Variants in HTR3A observed in about 807,000 individuals in gnomAD.
The protein encoded by HTR3A is 5-hydroxytryptamine receptor 3A.
Under a neutral mutation model 54.8 loss-of-function variants are expected in HTR3A, and 45 were observed. That is an observed-to-expected ratio of 0.82 (90% confidence interval 0.65 to 1.05). HTR3A has a LOEUF of 1.05. Ranked by LOEUF, HTR3A falls within the 50% of genes least tolerant of loss-of-function variation. HTR3A has a pLI of 0.00. For synonymous variants in HTR3A, 297 were observed against 256.0 expected (o/e 1.16, Z -1.53); for missense variants, 657 against 614.0 (o/e 1.07, Z -0.74).
chr11:113,987,784 A>G (rs1273906324), intron 8 of HTR3A, among the ~76,000 whole-genome samples: 1 of 152,226 alleles, frequency 6.6e-6, no homozygotes, highest in Non-Finnish European at 1.5e-5. Context: ...TGTTCCTTAG[A>G]ATTTCAAACA....
intron 8 of HTR3A, 123 bp downstream of exon 8, chr11:113,987,169 GCCTTACT>G: frequency 9.7e-7 from 1 of 1,029,532 alleles, no homozygotes; most frequent in Non-Finnish European, 1.5e-6. Context: ...CCCATGCCCT[GCCTTACT>G]TGGGGTGGGG....
chr11:113,986,591 A>G lies in HTR3A; in HGVS notation c.779A>G (p.Asp260Gly), dbSNP rs1192851311. The G allele has an allele frequency of 1.2e-6, 2 of 1,613,536 alleles. No homozygotes were observed. Among genetic ancestry groups the G allele is most frequent in the South Asian group, 1.1e-5 (1 of 91,080 alleles). ...LLPSIFLMVMDIVGFYLPPNS... is the reference protein window; with the variant it reads ...LLPSIFLMVMGIVGFYLPPNS... Reference sequence around the variant, plus strand: ...CCCAGCATCTTCCTCATGGTCATGGACATCGTGGGCTTCTACCTGCCCCCC... The same window carrying G: ...CCCAGCATCTTCCTCATGGTCATGGGCATCGTGGGCTTCTACCTGCCCCCC... Residue 260 changes from aspartate to glycine, a missense_variant, in exon 7 of 9, where the codon GAC (aspartate) becomes GGC (glycine). Physicochemically the swap from Asp to Gly is moderately conservative, Grantham distance 94. Transcript: ENST00000504030.
At chr11:113,978,808 T>C (rs1315055980) in intron 2 of HTR3A, among the ~76,000 whole-genome samples, 6 of 151,978 alleles carry the variant, frequency 3.9e-5, no homozygotes, top group African/African-American at 1.2e-4. Flanking sequence ...CTGGACAACA[T>C]AGCGACTGCA....
At position 113,977,824 on chromosome 11, in the gene HTR3A, C is replaced by A. The variant is rs752532960; in HGVS notation, c.121C>A (p.Leu41Ile). 1.2e-6 allele frequency: 2 copies of A among 1,614,150 alleles called. No homozygotes were observed. Among genetic ancestry groups the A allele is most frequent in the Middle Eastern group, 1.6e-4 (1 of 6,062 alleles). The change falls in exon 2 of 9, where the codon CTT (leucine) becomes ATT (isoleucine). Residue 41 changes from leucine to isoleucine, a missense_variant. By Grantham distance (5) the Leu-to-Ile change is conservative (BLOSUM62 2). Transcript: ENST00000504030. ...CGCTCTGCTGAGGCTGTCGGATTAC[C>A]TTTTGACCAACTACAGGAAGGGTGT... ...RPALLRLSDY[L>I]LTNYRKGVRP... is the part of the protein sequence containing the mutation.
chr11:113,975,173 A>G lies in HTR3A; in HGVS notation c.-153A>G, dbSNP rs1950337483. ...GGCAGCTCCCCAACCTTGGTGGCCC[A>G]GGGAGTGTGAGGCTGCAGCCTCAGA... On this transcript the variant is annotated 5_prime_UTR_variant, in exon 1 of 9. Transcript: ENST00000504030. 2 of 736,330 alleles carry G rather than the reference A, an allele frequency of 2.7e-6. No individual in the cohort carries two copies. The highest frequency in any genetic ancestry group is 1.7e-5 in the African/African-American group (1 of 57,906). 45.6% of individuals were successfully genotyped at this position (736,330 alleles called of 1,614,324 possible). A position where few individuals can be genotyped will look rare whatever the true frequency, so the allele number is the denominator to read the frequency against.
intron 3 of HTR3A, among the ~76,000 whole-genome samples, chr11:113,980,054 G>A (rs141609639): frequency 1.2e-4 from 19 of 152,294 alleles, no homozygotes; most frequent in Admixed American, 4.6e-4. Context: ...AGAGGAAGAA[G>A]CTAGAATGCT....
intron 1 of HTR3A, among the ~76,000 whole-genome samples, chr11:113,977,340 C>G (rs1950363007): frequency 6.6e-6 from 1 of 152,194 alleles, no homozygotes; most frequent in Non-Finnish European, 1.5e-5. Context: ...GACCCTTGGG[C>G]TTAGAAATTG....
In HTR3A at chr11:113,990,298, G is replaced by T. The variant is rs1417573798; in HGVS notation, c.*535G>T. On this transcript the variant is annotated 3_prime_UTR_variant, in exon 9 of 9. Transcript: ENST00000504030. ...ATGATGGGAGTGGGAAGAATAAAAT[G>T]CAGTGAAACCCTAAACTCTCTTCTT... is the stretch of plus-strand genomic sequence containing the variant. 1.9e-5 allele frequency: 8 copies of T among 415,502 alleles called. No homozygotes were observed. The highest frequency in any genetic ancestry group is 8.7e-5 in the South Asian group (5 of 57,674). 25.7% of individuals were successfully genotyped at this position (415,502 alleles called of 1,614,324 possible). A position where few individuals can be genotyped will look rare whatever the true frequency, so the allele number is the denominator to read the frequency against.
chr11:113,986,742 T>C lies in HTR3A; in HGVS notation c.916+14T>C, dbSNP rs1226294630. 1 of 1,614,220 alleles carries C rather than the reference T, an allele frequency of 6.2e-7. No homozygotes were observed. Among genetic ancestry groups the C allele is most frequent in the Admixed American group, 1.7e-5 (1 of 60,032 alleles). On this transcript the variant is annotated intron_variant, in intron 7 of 8. Coordinates refer to ENST00000504030, the MANE Select transcript of HTR3A (RefSeq NM_000869.6). ...CTCCTCTCATTGGTAAGGCCCCTCC[T>C]GGCAGCAGAGCTCAGTCTGGTGAGA...
Position 113,987,823 on chromosome 11 carries a change from G to T in HTR3A, c.1138+777G>T, listed in dbSNP as rs149073192. On this transcript the variant is annotated intron_variant, in intron 8 of 8. Coordinates refer to ENST00000504030, the MANE Select transcript of HTR3A (RefSeq NM_000869.6). Reference sequence around the variant, plus strand: ...ATGAGGCAGAGAGACATTAAATGTGGAGTTCATACTTCCTGAGGAATTGTT... The same window carrying T: ...ATGAGGCAGAGAGACATTAAATGTGTAGTTCATACTTCCTGAGGAATTGTT... Among the ~76,000 whole-genome samples, 288 of 152,304 alleles carry T rather than the reference G, an allele frequency of 1.9e-3. 2 individuals carry two copies. The highest frequency in any genetic ancestry group is 6.7e-3 in the African/African-American group (277 of 41,570).
At chr11:113,983,957 C>T (rs11214796) in intron 5 of HTR3A, among the ~76,000 whole-genome samples, 100,461 of 152,160 alleles carry the variant, frequency 0.66, 35,250 homozygotes, top group Middle Eastern at 0.81. Context: ...CTTGAGCTGA[C>T]TGCCACAGCC....
rs997963712 is a variant in HTR3A, at chr11:113,975,502, G to C, written c.67+110G>C. 9.2e-6 allele frequency: 8 copies of C among 873,402 alleles called. No individual in the cohort carries two copies. The African/African-American group carries it at 1.1e-4, about 13-fold the overall frequency. 54.1% of individuals were successfully genotyped at this position (873,402 alleles called of 1,614,324 possible). A position where few individuals can be genotyped will look rare whatever the true frequency, so the allele number is the denominator to read the frequency against. On this transcript the variant is annotated intron_variant, in intron 1 of 8. Transcript: ENST00000504030. ...GGAGAGGAGGGTGGGGAACAGTGCA[G>C]CTGCAGGAAGGTCAGCTATCTTACC...
Position 113,986,511 on chromosome 11 carries a change from G to A in HTR3A, c.706-7G>A, listed in dbSNP as rs1379339894. On this transcript the variant is annotated splice_region_variant and splice_polypyrimidine_tract_variant and intron_variant, in intron 6 of 8. Transcript: ENST00000504030. ...CAGGCTTCCCACAAGCTCTTCTCCG[G>A]TCCCAGGTGGTCATCCGCCGGCGGC... 6.2e-7 allele frequency: 1 copy of A among 1,611,818 alleles called. No homozygotes were observed. Among genetic ancestry groups the A allele is most frequent in the Non-Finnish European group, 8.5e-7 (1 of 1,180,010 alleles).
In HTR3A at chr11:113,989,398, T is replaced by C; in HGVS notation, c.1139-67T>C. 5 of 1,567,860 alleles carry C rather than the reference T, an allele frequency of 3.2e-6. No individual in the cohort carries two copies. The highest frequency in any genetic ancestry group is 3.5e-6 in the Non-Finnish European group (4 of 1,139,838). ...CAAAAATTTACAGGCTATAGAAGCA[T>C]AAGGAACCATGTTCAGGTCACCACC... On this transcript the variant is annotated intron_variant, in intron 8 of 8. Coordinates refer to ENST00000504030, the MANE Select transcript of HTR3A (RefSeq NM_000869.6). The surrounding 1 kb of genome is among the most constrained non-coding windows in gnomAD (Gnocchi z 4.4).
At chr11:113,987,186 G>A in intron 8 of HTR3A, 140 bp downstream of exon 8, 1 of 887,536 alleles carries the variant, frequency 1.1e-6, no homozygotes, top group Non-Finnish European at 1.8e-6. Flanking sequence ...TTGGGGTGGG[G>A]GCAGCCTTCA....
In HTR3A at chr11:113,975,363, T is replaced by TC; in HGVS notation, c.40dup (p.Leu14ProfsTer51). 1 of 1,613,080 alleles carries TC rather than the reference T, an allele frequency of 6.2e-7. No homozygotes were observed. Among genetic ancestry groups the TC allele is most frequent in the Non-Finnish European group, 8.5e-7 (1 of 1,179,980 alleles). On this transcript the variant is annotated frameshift_variant, in exon 1 of 9. Transcript: ENST00000504030. LOFTEE classifies it high-confidence loss of function. ...GTCCAGCAGGCGCTGCTCGCCTTGC[T>TC]CCTCCCCACACTCCTGGCACAGGGA...
At position 113,977,848 on chromosome 11, in the gene HTR3A, G is replaced by C. The variant is rs758893665; in HGVS notation, c.145G>C (p.Val49Leu). The change falls in exon 2 of 9, where the codon GTG becomes CTG. Residue 49 changes from valine to leucine, a missense_variant. By Grantham distance (32) the Val-to-Leu change is conservative. Transcript: ENST00000504030. ...CCTTTTGACCAACTACAGGAAGGGT[G>C]TGCGCCCCGTGAGGGACTGGAGGAA... is the stretch of plus-strand genomic sequence containing the variant. Reference protein sequence around the residue: ...DYLLTNYRKGVRPVRDWRKPT... With the variant: ...DYLLTNYRKGLRPVRDWRKPT... The C allele has an allele frequency of 1.5e-5, 24 of 1,614,052 alleles. No homozygotes were observed. Among genetic ancestry groups the C allele is most frequent in the Non-Finnish European group, 1.9e-5 (23 of 1,180,042 alleles).
At chr11:113,979,739 C>T (rs1950398307) in intron 3 of HTR3A, among the ~76,000 whole-genome samples, 1 of 152,120 alleles carries the variant, frequency 6.6e-6, no homozygotes, top group Non-Finnish European at 1.5e-5. Context: ...TGGGTCAGCC[C>T]CTGGTGTGTG....
At position 113,983,212 on chromosome 11, in the gene HTR3A, C is replaced by A. The variant is rs1367910989; in HGVS notation, c.467C>A (p.Ala156Asp). The A allele has an allele frequency of 1.2e-6, 2 of 1,614,212 alleles. No individual in the cohort carries two copies. The highest frequency in any genetic ancestry group is 1.7e-6 in the Non-Finnish European group (2 of 1,180,034). ...TACAAGCCCCTTCAGGTGGTGACTG[C>A]CTGTAGCCTCGACATCTACAACTTC... The part of the protein sequence containing the change: ...QNYKPLQVVT[A>D]CSLDIYNFPF... Residue 156 changes from alanine to aspartate, a missense_variant, in exon 5 of 9, where the codon GCC (alanine) becomes GAC (aspartate). Transcript: ENST00000504030.
Sources: allele counts gnomAD v4.1 joint callset (sites outside exome capture counted in the v4.1 genomes callset), GRCh38; gene constraint gnomAD v4.1.1; non-coding constraint Gnocchi (gnomAD v3.1); transcripts MANE v1.5; gene names NCBI Gene and HGNC (gene_info 2026-07-23, HGNC 2026-07-21).